Variants in SYNPO2 observed in about 807,000 individuals in gnomAD.
SYNPO2 encodes the protein synaptopodin 2.
In SYNPO2, 56 loss-of-function variants were observed where a neutral mutation model predicts 85.0. The ratio of observed to expected loss-of-function variants is 0.66; its 90% confidence interval spans 0.53 to 0.82. The LOEUF is 0.82. SYNPO2 is among the 40% of genes least tolerant of loss of function. The probability of loss-of-function intolerance (pLI) is 0.00; values close to 1 mark genes in which losing one functional copy is unlikely to be tolerated. For synonymous variants in SYNPO2, 602 were observed against 591.1 expected (o/e 1.02, Z -0.27); for missense variants, 1,575 against 1,534.2 (o/e 1.03, Z -0.44).
chr4:118,948,130 G>A (rs755917360), intron 1 of SYNPO2, among the ~76,000 whole-genome samples: 7 of 152,168 alleles, frequency 4.6e-5, no homozygotes, highest in African/African-American at 1.2e-4. Flanking sequence ...TTGGTGTTGC[G>A]CTCTGTCTGA....
At chr4:118,912,228 C>T (rs1733161812) in intron 1 of SYNPO2, among the ~76,000 whole-genome samples, 1 of 152,184 alleles carries the variant, frequency 6.6e-6, no homozygotes, top group Admixed American at 6.5e-5. Flanking sequence ...GTTGCCCAGG[C>T]CGGAGTGCAG....
At chr4:118,934,746 T>C (rs1388083187) in intron 1 of SYNPO2, among the ~76,000 whole-genome samples, 1 of 152,200 alleles carries the variant, frequency 6.6e-6, no homozygotes, top group African/African-American at 2.4e-5. Context: ...GATCAAACTT[T>C]ATAAAACATT....
intron 1 of SYNPO2, among the ~76,000 whole-genome samples, chr4:118,879,176 C>T (rs145072238): frequency 2.0e-5 from 3 of 152,190 alleles, no homozygotes; most frequent in Non-Finnish European, 4.4e-5. Context: ...ACAAACTCTG[C>T]ACACACCATC....
intron 4 of SYNPO2, chr4:119,033,555 A>G (rs2279506): frequency 0.33 from 324,460 of 984,962 alleles, 54,092 homozygotes; most frequent in East Asian, 0.5. Flanking sequence ...TCCAAGAAAA[A>G]TCATCTACTC....
Position 119,031,759 on chromosome 4 carries a change from A to C in SYNPO2, c.2984A>C (p.Lys995Thr). The C allele has an allele frequency of 6.2e-7, 1 of 1,614,180 alleles. No individual in the cohort carries two copies. The highest frequency in any genetic ancestry group is 8.5e-7 in the Non-Finnish European group (1 of 1,180,032). ...KDGLPQKSSV[K>T]VNSALAMKQA... ...GGCCTCCCCCAGAAGTCATCAGTCAAGGTCAATTCAGCCCTGGCCATGAAG... is the reference window on the plus strand; with the variant it reads ...GGCCTCCCCCAGAAGTCATCAGTCACGGTCAATTCAGCCCTGGCCATGAAG... The change falls in exon 4 of 5, where the codon AAG (lysine) becomes ACG (threonine). Residue 995 changes from lysine (K) to threonine (T), a missense_variant. By Grantham distance (78) the Lys-to-Thr change is moderately conservative. Transcript: ENST00000307142.
At chr4:118,858,931 C>T (rs967131739) in intron 1 of SYNPO2, among the ~76,000 whole-genome samples, 1 of 152,178 alleles carries the variant, frequency 6.6e-6, no homozygotes, top group African/African-American at 2.4e-5. Flanking sequence ...CCTGCCCCCA[C>T]ATCATAACCA....
chr4:119,060,347 A>C lies in SYNPO2; in HGVS notation c.*2413A>C, dbSNP rs1202828307. 6.8e-6 allele frequency: 1 copy of C among 146,608 alleles called. No individual in the cohort carries two copies. Among genetic ancestry groups the C allele is most frequent in the Non-Finnish European group, 1.5e-5 (1 of 67,990 alleles). The allele number at this position is 146,608 out of a possible 1,614,324, so 9.1% of individuals were successfully genotyped here. On this transcript the variant is annotated 3_prime_UTR_variant, in exon 5 of 5. Coordinates refer to ENST00000307142, the MANE Select transcript of SYNPO2 (RefSeq NM_133477.3). ...GCACATTTCTCACAAGGAAAAAAAC[A>C]TTCTATATTTGTAGCAGAAATCAGT...
At chr4:119,006,841 C>T (rs1186244764) in intron 1 of SYNPO2, among the ~76,000 whole-genome samples, 1 of 152,066 alleles carries the variant, frequency 6.6e-6, no homozygotes, top group Non-Finnish European at 1.5e-5. Context: ...TCTCTCATTA[C>T]ATTTATCTTT....
chr4:119,026,631 T>A lies in SYNPO2; in HGVS notation c.262T>A (p.Ser88Thr). The part of the protein sequence containing the change: ...DSLQMLIKRP[S>T]SGISEALISE... Reference sequence around the variant, plus strand: ...GAATGATTTTTCTGTGTGCAGACCATCCAGTGGAATAAGTGAGGCTTTGAT... The same window carrying A: ...GAATGATTTTTCTGTGTGCAGACCAACCAGTGGAATAAGTGAGGCTTTGAT... Residue 88 changes from serine (S) to threonine (T), a missense_variant, in exon 3 of 5, where the codon TCC becomes ACC. By Grantham distance (58) the Ser-to-Thr change is moderately conservative (BLOSUM62 1). Around this residue, in one of 3 missense-constraint regions of SYNPO2, gnomAD observed 1,508 missense variants for 1,446.8 expected, o/e 1.04. Coordinates refer to ENST00000307142, the MANE Select transcript of SYNPO2 (RefSeq NM_133477.3). 6.3e-7 allele frequency: 1 copy of A among 1,599,396 alleles called. No homozygotes were observed. Among genetic ancestry groups the A allele is most frequent in the Non-Finnish European group, 8.5e-7 (1 of 1,173,210 alleles).
chr4:119,037,504 T>C (rs1257849018), intron 4 of SYNPO2: 1 of 1,008,214 alleles, frequency 9.9e-7, no homozygotes, highest in Non-Finnish European at 1.2e-6. Context: ...TCAGAGAATC[T>C]TTGATACTTT....
At chr4:119,002,743 A>G (rs567602752) in intron 1 of SYNPO2, among the ~76,000 whole-genome samples, 20 of 151,846 alleles carry the variant, frequency 1.3e-4, no homozygotes, top group Non-Finnish European at 2.1e-4. Flanking sequence ...CCCTTCCTCC[A>G]TTTGCTTCCT....
intron 1 of SYNPO2, among the ~76,000 whole-genome samples, chr4:118,878,301 G>A (rs1319479401): frequency 2.0e-5 from 3 of 152,008 alleles, no homozygotes; most frequent in African/African-American, 7.2e-5. Context: ...AAATCCCTAT[G>A]ATACGCAATT....
intron 1 of SYNPO2, among the ~76,000 whole-genome samples, chr4:118,953,214 C>A (rs1412132486): frequency 6.6e-6 from 1 of 152,120 alleles, no homozygotes; most frequent in Admixed American, 6.6e-5. Context: ...TTTATCCAAA[C>A]GATGTTGAGA....
At chr4:119,033,461 A>G (rs1171747460) in intron 4 of SYNPO2, 2 of 985,424 alleles carry the variant, frequency 2.0e-6, no homozygotes. Flanking sequence ...CCTTTCTCAG[A>G]TCTATTTTAA....
chr4:118,915,812 C>T (rs2149126024), intron 1 of SYNPO2, among the ~76,000 whole-genome samples: 1 of 152,266 alleles, frequency 6.6e-6, no homozygotes, highest in South Asian at 2.1e-4. Context: ...AAAAGGCATC[C>T]TGCGGCTCTA....
At chr4:118,961,097 C>CCT (rs1735064253) in intron 1 of SYNPO2, among the ~76,000 whole-genome samples, 2 of 46,880 alleles carry the variant, frequency 4.3e-5, no homozygotes, top group African/African-American at 1.8e-4. Context: ...GGCTATTTTA[C>CCT]CGCCCCCCCC....
intron 1 of SYNPO2, among the ~76,000 whole-genome samples, chr4:118,903,951 C>T (rs1054064736): frequency 2.1e-4 from 32 of 152,024 alleles, no homozygotes; most frequent in Admixed American, 9.8e-4. Flanking sequence ...CTCCTGACCT[C>T]GTGATCCGCC....
chr4:118,877,225 T>A (rs1578512270), intron 1 of SYNPO2, among the ~76,000 whole-genome samples: 1 of 152,146 alleles, frequency 6.6e-6, no homozygotes, highest in African/African-American at 2.4e-5. Flanking sequence ...CAACTCAAGA[T>A]GGATTAAATA....
rs572694752 is a variant in SYNPO2, at chr4:118,977,332, A to G, written c.106-46098A>G. On this transcript the variant is annotated intron_variant, in intron 1 of 4. Coordinates refer to ENST00000307142, the MANE Select transcript of SYNPO2 (RefSeq NM_133477.3). ...ATTGCCCGAGGCCGCAGGGCTGGCC[A>G]GCTGCTCCGAGTGCGGGGCCTGCCA... Among the ~76,000 whole-genome samples the G allele has an allele frequency of 1.2e-3, 189 of 152,332 alleles. 2 individuals carry two copies. Among genetic ancestry groups the G allele is most frequent in the African/African-American group, 3.5e-3 (144 of 41,580 alleles).
Sources: allele counts gnomAD v4.1 joint callset (sites outside exome capture counted in the v4.1 genomes callset), GRCh38; gene constraint gnomAD v4.1.1; regional missense constraint gnomAD v4.1.1; transcripts MANE v1.5; gene names NCBI Gene and HGNC (gene_info 2026-07-23, HGNC 2026-07-21).